RAI1: variants seen among roughly 807,000 people sequenced by gnomAD.
The protein encoded by RAI1 is retinoic acid induced 1.
RAI1 carries 9 observed loss-of-function variants against 123.8 expected under a neutral mutation model. The ratio of observed to expected loss-of-function variants is 0.07; its 90% CI spans 0.04 to 0.13. RAI1 has a LOEUF of 0.13. Ranked by LOEUF, RAI1 falls within the 10% of genes least tolerant of loss-of-function variation. RAI1 has a pLI of 1.00. For synonymous variants in RAI1, 1,231 were observed against 1,127.3 expected, an observed-to-expected ratio of 1.09 and a Z score of -1.84; for missense variants, 2,256 against 2,545.8, an observed-to-expected ratio of 0.89 and a Z score of 2.45.
Position 17,811,344 on chromosome 17 carries a change from C to T in RAI1, c.*1363C>T. On this transcript the variant is annotated 3_prime_UTR_variant, in exon 6 of 6. Coordinates refer to ENST00000353383, the MANE Select transcript of RAI1 (RefSeq NM_030665.4). ...GCTTCACACTGAAGATTGTGTGTAT[C>T]GAGCTGTTTCTAAAAGATGTTTATT... 1 of 244,562 alleles carries T rather than the reference C, an allele frequency of 4.1e-6. No homozygotes were observed. The highest frequency in any genetic ancestry group is 5.6e-5 in the Admixed American group (1 of 17,894). 15.1% of individuals were successfully genotyped at this position (244,562 alleles called of 1,614,324 possible). A position where few individuals can be genotyped will look rare whatever the true frequency, so the allele number is the denominator to read the frequency against.
intron 2 of RAI1, among the ~76,000 whole-genome samples, chr17:17,757,148 A>G (rs1159579566): frequency 6.6e-6 from 1 of 152,172 alleles, no homozygotes; most frequent in African/African-American, 2.4e-5. Flanking sequence ...TCCCTGAGGC[A>G]GGGAGACCCT....
intron 2 of RAI1, among the ~76,000 whole-genome samples, chr17:17,752,672 CG>C (rs2030253413): frequency 6.6e-6 from 1 of 152,174 alleles, no homozygotes; most frequent in Non-Finnish European, 1.5e-5. Context: ...GACGTGTCCC[CG>C]GGGGCCGACC....
chr17:17,723,539 A>C (rs1915959475), intron 1 of RAI1, among the ~76,000 whole-genome samples: 4 of 137,210 alleles, frequency 2.9e-5, no homozygotes, highest in South Asian at 2.4e-4. Context: ...GCACTCTTAC[A>C]CTCACACCCC....
intron 2 of RAI1, among the ~76,000 whole-genome samples, chr17:17,766,772 C>T (rs2030950194): frequency 6.6e-6 from 1 of 152,244 alleles, no homozygotes; most frequent in South Asian, 2.1e-4. Flanking sequence ...GGAATCGGTG[C>T]TCCAGGCAGC....
chr17:17,794,127 G>A lies in RAI1; in HGVS notation c.1179G>A (p.Met393Ile), dbSNP rs776854795. 8.1e-6 allele frequency: 13 copies of A among 1,613,976 alleles called. No homozygotes were observed. In the African/African-American group the frequency reaches 1.1e-4, roughly 13 times the overall value. ...GGATCACTGACCACAGCCACTTCAT[G>A]CCCCTGCTCAATCCCTCCCCAACGG... ...PAGITDHSHF[M>I]PLLNPSPTDA... The change falls in exon 3 of 6, where the codon ATG becomes ATA. Residue 393 changes from methionine (M) to isoleucine (I), a missense_variant. Coordinates refer to ENST00000353383, the MANE Select transcript of RAI1 (RefSeq NM_030665.4).
chr17:17,791,984 C>A (rs552274912), intron 2 of RAI1, among the ~76,000 whole-genome samples: 49 of 152,260 alleles, frequency 3.2e-4, no homozygotes, highest in Admixed American at 1.3e-3. Flanking sequence ...CCAGCCCTCA[C>A]CTGCTGAGGT....
chr17:17,682,596 A>C (rs572799604), intron 1 of RAI1: 1 of 151,950 alleles, frequency 6.6e-6, no homozygotes, highest in South Asian at 2.1e-4. Flanking sequence ...ATGGGGGCCG[A>C]GTGCGGCGGG....
In RAI1 at chr17:17,797,626, C is replaced by A. The variant is rs727504119; in HGVS notation, c.4678C>A (p.Arg1560=). ...ACCCTGTAAGGGGCGTGCCAAGCGACGACGACAGCAGCAGGTGCTGCCCCT... is the reference window on the plus strand; with the variant it reads ...ACCCTGTAAGGGGCGTGCCAAGCGAAGACGACAGCAGCAGGTGCTGCCCCT... ...SSPCKGRAKR[R]RQQQVLPLDP... Residue 1560 remains arginine, a synonymous_variant, in exon 3 of 6, where the codon CGA becomes AGA. Transcript: ENST00000353383. The A allele has an allele frequency of 6.2e-7, 1 of 1,613,804 alleles. No individual in the cohort carries two copies. The highest frequency in any genetic ancestry group is 8.5e-7 in the Non-Finnish European group (1 of 1,180,052).
At chr17:17,755,990 C>T (rs1567876368) in intron 2 of RAI1, among the ~76,000 whole-genome samples, 1 of 152,244 alleles carries the variant, frequency 6.6e-6, no homozygotes, top group Non-Finnish European at 1.5e-5. Context: ...GCCCTCGGTG[C>T]ACCCAGTCCT....
At chr17:17,784,242 C>A (rs1055168518) in intron 2 of RAI1, among the ~76,000 whole-genome samples, 34 of 152,062 alleles carry the variant, frequency 2.2e-4, no homozygotes, top group Admixed American at 2.2e-3. Flanking sequence ...CTGGGAGGGG[C>A]TGGCCTGCTG....
In RAI1 at chr17:17,795,015, C is replaced by T. The variant is rs775773175; in HGVS notation, c.2067C>T (p.Asp689=). 2 of 1,614,120 alleles carry T rather than the reference C, an allele frequency of 1.2e-6. No individual in the cohort carries two copies. The highest frequency in any genetic ancestry group is 3.3e-5 in the Admixed American group (2 of 60,030). The change falls in exon 3 of 6, where the codon GAC becomes GAT. Residue 689 remains aspartate, a synonymous_variant. Coordinates refer to ENST00000353383, the MANE Select transcript of RAI1 (RefSeq NM_030665.4). The surrounding 1 kb of genome is among the most constrained non-coding windows in gnomAD (Gnocchi z 5.9). ...ACTTCAGCCCAGGGCTGTTTGAAGACCCTTCCGTGGCCTTCGCTACGCCTG... is the reference window on the plus strand; with the variant it reads ...ACTTCAGCCCAGGGCTGTTTGAAGATCCTTCCGTGGCCTTCGCTACGCCTG... ...AKDFSPGLFE[D]PSVAFATPDP... is the part of the protein sequence containing the mutation.
intron 2 of RAI1, among the ~76,000 whole-genome samples, chr17:17,787,831 G>A (rs2031878753): frequency 6.6e-6 from 1 of 152,238 alleles, no homozygotes; most frequent in South Asian, 2.1e-4. Context: ...GGCGTGGTTA[G>A]GCCCTGCAGG....
chr17:17,709,171 C>T (rs1041581657), intron 1 of RAI1, among the ~76,000 whole-genome samples: 47 of 152,268 alleles, frequency 3.1e-4, no homozygotes, highest in Non-Finnish European at 6.2e-4. Flanking sequence ...GTGTGCCGGG[C>T]ACTGTGCTGA....
intron 1 of RAI1, among the ~76,000 whole-genome samples, chr17:17,686,606 T>TGTGTGTGTGTGTGC (rs1914645702): frequency 1.5e-5 from 2 of 137,258 alleles, no homozygotes; most frequent in African/African-American, 5.9e-5. Context: ...TGTGTGTGTG[T>TGTGTGTGTGTGTGC]GTGCACGCGC....
Position 17,811,208 on chromosome 17 carries a change from G to GTAT in RAI1, c.*1231_*1233dup, listed in dbSNP as rs2032778369. 1 of 332,772 alleles carries GTAT rather than the reference G, an allele frequency of 3.0e-6. No homozygotes were observed. The highest frequency in any genetic ancestry group is 2.2e-5 in the African/African-American group (1 of 45,032). The allele number at this position is 332,772 out of a possible 1,614,324, so 20.6% of individuals were successfully genotyped here. On this transcript the variant is annotated 3_prime_UTR_variant, in exon 6 of 6. Transcript: ENST00000353383. Reference sequence around the variant, plus strand: ...TATGACTGTAAAATGGTAAACGTGTGTATTATATCTGGCCTCGTTATATAG... The same window carrying GTAT: ...TATGACTGTAAAATGGTAAACGTGTGTATTATTATATCTGGCCTCGTTATATAG...
intron 1 of RAI1, among the ~76,000 whole-genome samples, chr17:17,719,588 G>T (rs1251125652): frequency 6.6e-6 from 1 of 152,168 alleles, no homozygotes; most frequent in African/African-American, 2.4e-5. Flanking sequence ...TCCATAGCAC[G>T]CTTCACCTAA....
At chr17:17,708,187 G>A (rs1364761623) in intron 1 of RAI1, among the ~76,000 whole-genome samples, 2 of 152,146 alleles carry the variant, frequency 1.3e-5, no homozygotes, top group Non-Finnish European at 1.5e-5. Context: ...GCTTCAGCCT[G>A]TGCCATTTTT....
At chr17:17,696,553 C>T (rs986015020) in intron 1 of RAI1, among the ~76,000 whole-genome samples, 3 of 152,190 alleles carry the variant, frequency 2.0e-5, no homozygotes, top group Admixed American at 6.5e-5. Context: ...GGAGAACTTC[C>T]GAGATGAGGC....
At chr17:17,703,817 C>T (rs1915308927) in intron 1 of RAI1, among the ~76,000 whole-genome samples, 1 of 152,238 alleles carries the variant, frequency 6.6e-6, no homozygotes, top group South Asian at 2.1e-4. Context: ...GGACTGTTTT[C>T]AAACTCCACC....
Sources: gnomAD v4.1 joint callset for allele counts (sites outside exome capture counted in the v4.1 genomes callset) on GRCh38, gnomAD v4.1.1 for gene constraint, Gnocchi (gnomAD v3.1) non-coding constraint, MANE v1.5 for transcripts, NCBI Gene and HGNC (gene_info 2026-07-23, HGNC 2026-07-21) for gene names.